The following ANO1 variants were observed in gnomAD, a reference collection of about 807,000 sequenced individuals.
ANO1 encodes anoctamin 1, also known as anoctamin-1.
Under a neutral mutation model 124.0 loss-of-function variants are expected in ANO1, and 59 were observed. The ratio of observed to expected loss-of-function variants is 0.48; its 90% CI spans 0.39 to 0.59. The LOEUF (loss-of-function observed/expected upper bound fraction) is 0.59. ANO1 is among the 20% of genes least tolerant of loss of function. The pLI is 0.00. For synonymous variants in ANO1, 529 were observed against 532.0 expected (o/e 0.99, Z 0.08); for missense variants, 1,059 against 1,328.0 (o/e 0.80, Z 3.15).
intron 10 of ANO1, among the ~76,000 whole-genome samples, chr11:70,128,598 G>A (rs551454919): frequency 2.0e-5 from 3 of 152,350 alleles, no homozygotes; most frequent in Admixed American, 1.3e-4. Context: ...CCAAAGCCAA[G>A]GCCTCTGCCC....
chr11:69,981,400 A>G (rs1183912743), upstream of ANO1, among the ~76,000 whole-genome samples: 1 of 152,240 alleles, frequency 6.6e-6, no homozygotes, highest in African/African-American at 2.4e-5. Context: ...GCCGATATTT[A>G]TTAAGCGCTT....
At chr11:69,974,890 A>T in the ANO1 span, among the ~76,000 whole-genome samples, 845 of 29,934 alleles carry the variant, frequency 0.028, 8 homozygotes, top group Non-Finnish European at 0.083. Flanking sequence ...CCGTCTCTAA[A>T]AAAAAAAAAA....
the ANO1 span, among the ~76,000 whole-genome samples, chr11:69,972,961 G>A: frequency 6.6e-6 from 1 of 150,740 alleles, no homozygotes; most frequent in African/African-American, 2.4e-5. Flanking sequence ...CCAGGCTGGA[G>A]TGCAATGACA....
chr11:70,015,344 T>A (rs1427617839), intron 1 of ANO1: 1 of 125,224 alleles, frequency 8.0e-6, no homozygotes, highest in Non-Finnish European at 1.8e-5. Flanking sequence ...TGCAGGGCAA[T>A]TTTTTTTTAA....
intron 1 of ANO1, among the ~76,000 whole-genome samples, chr11:70,079,014 A>C (rs894323380): frequency 2.0e-5 from 3 of 151,984 alleles, no homozygotes; most frequent in African/African-American, 4.8e-5. Context: ...AAGCCGCCTC[A>C]CCCGGGGCTG....
intron 1 of ANO1, among the ~76,000 whole-genome samples, chr11:70,051,802 G>A (rs1857353085): frequency 6.6e-6 from 1 of 152,184 alleles, no homozygotes; most frequent in African/African-American, 2.4e-5. Flanking sequence ...AGTCCTTTGA[G>A]ATTTATATGT....
Position 70,155,956 on chromosome 11 carries a change from A to T in ANO1, c.1471A>T (p.Arg491Trp), listed in dbSNP as rs941537603. 6.5e-7 allele frequency: 1 copy of T among 1,539,722 alleles called. No individual in the cohort carries two copies. The highest frequency in any genetic ancestry group is 2.1e-5 in the Admixed American group (1 of 47,760). ...GGAGTCAACAAACAAATGGAAGCAGAGGGTTAAGACAGCCATGGCGGGGGT... is the reference window on the plus strand; with the variant it reads ...GGAGTCAACAAACAAATGGAAGCAGTGGGTTAAGACAGCCATGGCGGGGGT... Reference protein sequence around the residue: ...PEESTNKWKQRVKTAMAGVKL... With the variant: ...PEESTNKWKQWVKTAMAGVKL... The change falls in exon 15 of 26, where the codon AGG becomes TGG. Residue 491 changes from arginine (R) to tryptophan (W), a missense_variant. By Grantham distance (101) the Arg-to-Trp change is moderately radical. Transcript: ENST00000355303.
rs207471998 is a variant in ANO1, at chr11:70,188,802, C to T, written c.*798C>T. On this transcript the variant is annotated 3_prime_UTR_variant, in exon 26 of 26. Coordinates refer to ENST00000355303, the MANE Select transcript of ANO1 (RefSeq NM_018043.7). ...GAAAATGGGCAGAGAGAGATGACCTCGGAAGCATTTCCACAGATGGTGTCA... is the reference window on the plus strand; with the variant it reads ...GAAAATGGGCAGAGAGAGATGACCTTGGAAGCATTTCCACAGATGGTGTCA... The T allele has an allele frequency of 2.0e-5, 3 of 152,226 alleles. No homozygotes were observed. The highest frequency in any genetic ancestry group is 4.4e-5 in the Non-Finnish European group (3 of 67,998). The allele number at this position is 152,226 out of a possible 1,614,324, so 9.4% of individuals were successfully genotyped here. A position where few individuals can be genotyped will look rare whatever the true frequency, so the allele number is the denominator to read the frequency against.
chr11:70,085,415 C>T (rs2044333660), intron 1 of ANO1: 4 of 1,524,966 alleles, frequency 2.6e-6, no homozygotes, highest in South Asian at 1.2e-5. Context: ...GGGCGGGGCA[C>T]GCACACTGAG....
intron 25 of ANO1, among the ~76,000 whole-genome samples, chr11:70,186,355 GAA>G (rs1295172517): frequency 2.2e-4 from 16 of 73,292 alleles, no homozygotes; most frequent in African/African-American, 4.8e-4. Flanking sequence ...GGGGAGGGAG[GAA>G]GGAAGGAAGG....
intron 1 of ANO1, among the ~76,000 whole-genome samples, chr11:70,018,593 A>T (rs1329954013): frequency 6.6e-6 from 1 of 152,134 alleles, no homozygotes; most frequent in African/African-American, 2.4e-5. Context: ...ACCCTTCCAG[A>T]CTACACTGAG....
At chr11:70,095,334 GA>G (rs2044849412) in intron 2 of ANO1, among the ~76,000 whole-genome samples, 1 of 94,734 alleles carries the variant, frequency 1.1e-5, no homozygotes, top group Admixed American at 1.2e-4. Flanking sequence ...AGAAAGAAAG[GA>G]AAGAGAAAGA....
the ANO1 span, among the ~76,000 whole-genome samples, chr11:69,974,887 TAA>T: frequency 7.9e-3 from 1,014 of 127,596 alleles, 7 homozygotes; most frequent in Non-Finnish European, 0.012. Context: ...CCTCCGTCTC[TAA>T]AAAAAAAAAA....
intron 1 of ANO1, among the ~76,000 whole-genome samples, chr11:70,021,395 C>T (rs1856805488): frequency 6.6e-6 from 1 of 152,004 alleles, no homozygotes; most frequent in South Asian, 2.1e-4. Flanking sequence ...ACTTTTCACT[C>T]CCACCCCTTC....
chr11:69,996,245 C>T (rs782439641), intron 1 of ANO1, among the ~76,000 whole-genome samples: 1 of 152,236 alleles, frequency 6.6e-6, no homozygotes, highest in Non-Finnish European at 1.5e-5. Context: ...ACATTGATCA[C>T]ACTGGGATCC....
chr11:70,160,115 TC>T (rs2047986667), intron 16 of ANO1, among the ~76,000 whole-genome samples: 1 of 152,072 alleles, frequency 6.6e-6, no homozygotes, highest in African/African-American at 2.4e-5. Context: ...GGCCTGCCTG[TC>T]CTGGGAGCCA....
intron 5 of ANO1, among the ~76,000 whole-genome samples, chr11:70,106,455 G>A (rs914122884): frequency 6.6e-6 from 1 of 152,286 alleles, no homozygotes; most frequent in African/African-American, 2.4e-5. Context: ...ACAGAGGGCT[G>A]GGAGGAGACA....
rs1291417497 is a variant in ANO1, at chr11:70,010,183, A to ATATATATGTATATG, written c.58+24024_58+24025insGTATATGTATATAT. On this transcript the variant is annotated intron_variant, in intron 1 of 27. Transcript: ENST00000531349. ...TGTGTGTGCGCGTGTGTGTGTGTAT[A>ATATATATGTATATG]TATATATATATATATCACATTTTCT... Among the ~76,000 whole-genome samples the ATATATATGTATATG allele has an allele frequency of 2.4e-3, 104 of 44,226 alleles. 16 individuals carry two copies. Among genetic ancestry groups the ATATATATGTATATG allele is most frequent in the African/African-American group, 6.5e-3 (103 of 15,738 alleles). 29.0% of individuals were successfully genotyped at this position (44,226 alleles called of 152,430 possible).
At chr11:70,034,727 C>G (rs1280916342) in intron 1 of ANO1, among the ~76,000 whole-genome samples, 2 of 152,114 alleles carry the variant, frequency 1.3e-5, no homozygotes, top group African/African-American at 4.8e-5. Context: ...AGCTAAGGCA[C>G]TCTTCCCAAA....
Sources: gnomAD v4.1 joint callset for allele counts (sites outside exome capture counted in the v4.1 genomes callset) on GRCh38, gnomAD v4.1.1 for gene constraint, MANE v1.5 for transcripts, NCBI Gene and HGNC (gene_info 2026-07-23, HGNC 2026-07-21) for gene names.